PCDH15: variants seen among roughly 807,000 people sequenced by gnomAD.
The protein encoded by PCDH15 is protocadherin related 15.
Under a neutral mutation model 178.5 loss-of-function variants are expected in PCDH15, and 129 were observed. That is an observed-to-expected ratio of 0.72 (90% CI 0.63 to 0.84). PCDH15 has a LOEUF of 0.84. Among genes scored for constraint, PCDH15 ranks in the 40% least tolerant of loss-of-function variants. The probability of loss-of-function intolerance (pLI) is 0.00; values close to 1 mark genes in which losing one functional copy is unlikely to be tolerated. For missense variants in PCDH15, 2,230 were observed against 2,099.9 expected, an observed-to-expected ratio of 1.06 and a Z score of -1.21; for synonymous variants, 800 against 732.0, an observed-to-expected ratio of 1.09 and a Z score of -1.50.
At chr10:55,403,364 C>A (rs975224503) in intron 2 of PCDH15, among the ~76,000 whole-genome samples, 1 of 151,742 alleles carries the variant, frequency 6.6e-6, no homozygotes, top group African/African-American at 2.4e-5. Flanking sequence ...TATGCAGAAG[C>A]TTTTTAGTTT....
At chr10:53,843,689 G>A (rs1213137252) in intron 28 of PCDH15, among the ~76,000 whole-genome samples, 6 of 151,374 alleles carry the variant, frequency 4.0e-5, no homozygotes, top group African/African-American at 4.9e-5. Flanking sequence ...CCCCAACTTC[G>A]TGATAAAAAA....
At chr10:53,883,986 G>A (rs1311684262) in intron 26 of PCDH15, among the ~76,000 whole-genome samples, 1 of 152,088 alleles carries the variant, frequency 6.6e-6, no homozygotes, top group Non-Finnish European at 1.5e-5. Flanking sequence ...AAAGTTCTGG[G>A]ATTACAGGCG....
intron 2 of PCDH15, among the ~76,000 whole-genome samples, chr10:55,064,278 A>G (rs1458475960): frequency 6.6e-6 from 1 of 152,122 alleles, no homozygotes; most frequent in African/African-American, 2.4e-5. Context: ...ACTTGTGTAA[A>G]TGACTGGATT....
At chr10:55,599,822 C>T (rs1292722842) in intron 2 of PCDH15, 1 of 799,986 alleles carries the variant, frequency 1.3e-6, no homozygotes, top group East Asian at 3.1e-5. Context: ...TGCTCAGTGA[C>T]ATATGTTTAA....
At chr10:54,066,113 T>G (rs2135803476) in intron 18 of PCDH15, among the ~76,000 whole-genome samples, 1 of 152,290 alleles carries the variant, frequency 6.6e-6, no homozygotes, top group African/African-American at 2.4e-5. Context: ...TGTGCACATC[T>G]TCCTCCAATT....
At chr10:55,446,865 A>G (rs1460535846) in intron 2 of PCDH15, among the ~76,000 whole-genome samples, 1 of 152,126 alleles carries the variant, frequency 6.6e-6, no homozygotes, top group Non-Finnish European at 1.5e-5. Context: ...CACTCAGCTA[A>G]GACTTGTGAA....
chr10:55,469,483 G>C (rs1262538932), intron 2 of PCDH15, among the ~76,000 whole-genome samples: 1 of 151,916 alleles, frequency 6.6e-6, no homozygotes, highest in Non-Finnish European at 1.5e-5. Context: ...TCCCTTGCCA[G>C]TATGTTAGAA....
chr10:55,339,239 A>G (rs563068908), intron 2 of PCDH15, among the ~76,000 whole-genome samples: 1 of 152,250 alleles, frequency 6.6e-6, no homozygotes, highest in African/African-American at 2.4e-5. Flanking sequence ...CTGTATTAAA[A>G]CATCACATGT....
intron 2 of PCDH15, among the ~76,000 whole-genome samples, chr10:54,534,394 C>G (rs1020027678): frequency 1.3e-5 from 2 of 151,962 alleles, no homozygotes; most frequent in Admixed American, 6.6e-5. Context: ...TAGATATACT[C>G]TGATGGATTA....
At chr10:55,359,355 CT>C (rs982956845) in intron 2 of PCDH15, among the ~76,000 whole-genome samples, 7 of 151,760 alleles carry the variant, frequency 4.6e-5, no homozygotes, top group Admixed American at 6.6e-5. Flanking sequence ...TCATGCCATC[CT>C]TTAATGAAAA....
chr10:55,411,589 T>A (rs768399790), intron 2 of PCDH15, among the ~76,000 whole-genome samples: 1 of 152,140 alleles, frequency 6.6e-6, no homozygotes, highest in Non-Finnish European at 1.5e-5. Context: ...GTCATTCATA[T>A]AGTATTTTCT....
chr10:55,335,175 C>A (rs1844349497), intron 2 of PCDH15, among the ~76,000 whole-genome samples: 1 of 152,116 alleles, frequency 6.6e-6, no homozygotes, highest in Admixed American at 6.6e-5. Context: ...ATTTCTTCTT[C>A]CTTTCAACTT....
At chr10:54,342,481 A>T (rs924706055) in intron 6 of PCDH15, among the ~76,000 whole-genome samples, 1 of 152,220 alleles carries the variant, frequency 6.6e-6, no homozygotes, top group African/African-American at 2.4e-5. Context: ...AGGATGTGTG[A>T]AAATGCCAGC....
At chr10:55,001,450 G>A (rs1839792674) in intron 2 of PCDH15, among the ~76,000 whole-genome samples, 1 of 152,172 alleles carries the variant, frequency 6.6e-6, no homozygotes, top group Non-Finnish European at 1.5e-5. Context: ...CCAGACCTAG[G>A]GGCTCCCCAA....
chr10:53,991,501 CCT>C (rs2091480507), intron 21 of PCDH15, among the ~76,000 whole-genome samples: 1 of 151,388 alleles, frequency 6.6e-6, no homozygotes, highest in Admixed American at 6.6e-5. Context: ...CAATCAGCAC[CCT>C]GTGTCTAGCT....
intron 2 of PCDH15, among the ~76,000 whole-genome samples, chr10:55,165,764 C>T (rs1026592461): frequency 6.6e-6 from 1 of 151,878 alleles, no homozygotes; most frequent in Non-Finnish European, 1.5e-5. Context: ...TCATAAATTG[C>T]AAATTACAGT....
At chr10:54,403,970 TACAA>T (rs1473814160) in intron 3 of PCDH15, among the ~76,000 whole-genome samples, 1 of 151,822 alleles carries the variant, frequency 6.6e-6, no homozygotes, top group Non-Finnish European at 1.5e-5. Context: ...TCAGAGATGA[TACAA>T]ACAAATGGAA....
intron 10 of PCDH15, among the ~76,000 whole-genome samples, chr10:54,208,160 G>A (rs1184045030): frequency 2.6e-5 from 4 of 152,008 alleles, no homozygotes; most frequent in Non-Finnish European, 4.4e-5. Flanking sequence ...TGTAATATTT[G>A]TTGGAAATTC....
intron 2 of PCDH15, among the ~76,000 whole-genome samples, chr10:55,501,936 T>A (rs900736423): frequency 1.3e-5 from 2 of 151,750 alleles, no homozygotes; most frequent in Non-Finnish European, 2.9e-5. Context: ...GGCAACTTAC[T>A]ATATAGCCAA....
Sources: allele counts gnomAD v4.1 joint callset (sites outside exome capture counted in the v4.1 genomes callset), GRCh38; gene constraint gnomAD v4.1.1; transcripts MANE v1.5; gene names NCBI Gene and HGNC (gene_info 2026-07-23, HGNC 2026-07-21).